The following ASH1L variants were observed in gnomAD, a reference collection of about 807,000 sequenced individuals.
ASH1L encodes the protein histone-lysine N-methyltransferase ASH1L.
A neutral mutation model predicts 269.0 loss-of-function variants in ASH1L; 23 were observed. The ratio of observed to expected loss-of-function variants is 0.09; its 90% confidence interval spans 0.06 to 0.12. The LOEUF (loss-of-function observed/expected upper bound fraction) is 0.12, where lower values mean the gene tolerates loss of function less well. Ranked by LOEUF, ASH1L falls within the 10% of genes least tolerant of loss-of-function variation. The pLI is 1.00. For missense variants in ASH1L, 2,912 were observed against 3,567.8 expected (o/e 0.82, Z 4.68); for synonymous variants, 1,187 against 1,253.5 (o/e 0.95, Z 1.12).
At position 155,490,215 on chromosome 1, in the gene ASH1L, C is replaced by T. The variant is rs542745348; in HGVS notation, c.421-7766G>A. ...TCCTGACCTTGTGATCTGCCCACCTCGGCCTCCCAAAGTGCTGGGATTACA... is the reference window on the plus strand; with the variant it reads ...TCCTGACCTTGTGATCTGCCCACCTTGGCCTCCCAAAGTGCTGGGATTACA... On this transcript the variant is annotated intron_variant, in intron 2 of 27. Transcript: ENST00000392403. 1.7e-3 allele frequency among the ~76,000 whole-genome samples: 253 copies of T among 151,928 alleles called. 2 individuals carry two copies. Among genetic ancestry groups the T allele is most frequent in the African/African-American group, 3.3e-3 (138 of 41,502 alleles).
rs11442413 is a variant in ASH1L at position 155,421,317 on chromosome 1, G to GTTT, written c.5829-5397_5829-5395dup. Among the ~76,000 whole-genome samples, 589 of 85,728 alleles carry GTTT rather than the reference G, an allele frequency of 6.9e-3. 7 individuals carry two copies. The highest frequency in any genetic ancestry group is 0.013 in the African/African-American group (311 of 23,498). 56.2% of individuals were successfully genotyped at this position (85,728 alleles called of 152,430 possible). On this transcript the variant is annotated intron_variant, in intron 5 of 27. Coordinates refer to ENST00000392403, the MANE Select transcript of ASH1L (RefSeq NM_018489.3). ...TCTAACACAATCTCAAGTACCAACAGTTTTTTTTTTTTTTTTTTTTTTTGA... is the reference window on the plus strand; with the variant it reads ...TCTAACACAATCTCAAGTACCAACAGTTTTTTTTTTTTTTTTTTTTTTTTTTGA...
chr1:155,538,097 T>C (rs1670178261), intron 1 of ASH1L, among the ~76,000 whole-genome samples: 1 of 151,922 alleles, frequency 6.6e-6, no homozygotes, highest in Non-Finnish European at 1.5e-5. Flanking sequence ...CCATCTTGGC[T>C]CACTGCAACC....
chr1:155,550,738 T>C (rs1270208930), intron 1 of ASH1L, among the ~76,000 whole-genome samples: 3 of 152,218 alleles, frequency 2.0e-5, no homozygotes, highest in Non-Finnish European at 4.4e-5. Context: ...TTATTTAATA[T>C]TGTCTATCTT....
chr1:155,487,956 C>T (rs545567676), intron 2 of ASH1L, among the ~76,000 whole-genome samples: 23 of 150,886 alleles, frequency 1.5e-4, no homozygotes, highest in Admixed American at 5.3e-4. Context: ...GGCGCCATCT[C>T]GGCTCACTGC....
At chr1:155,365,829 C>T (rs1655370330) in intron 12 of ASH1L, among the ~76,000 whole-genome samples, 1 of 152,198 alleles carries the variant, frequency 6.6e-6, no homozygotes, top group Non-Finnish European at 1.5e-5. Context: ...CATACTGACA[C>T]TTTCTGACTG....
At chr1:155,431,100 A>G (rs1015385564) in intron 5 of ASH1L, among the ~76,000 whole-genome samples, 10 of 151,724 alleles carry the variant, frequency 6.6e-5, no homozygotes, top group Non-Finnish European at 1.2e-4. Flanking sequence ...AATCCCAGCT[A>G]CTCCAGAGGC....
At chr1:155,455,570 C>T (rs1663812592) in intron 4 of ASH1L, among the ~76,000 whole-genome samples, 1 of 152,154 alleles carries the variant, frequency 6.6e-6, no homozygotes, top group Non-Finnish European at 1.5e-5. Context: ...AAGGTTAGGA[C>T]ATGATTCTGG....
intron 1 of ASH1L, among the ~76,000 whole-genome samples, chr1:155,543,744 CA>C (rs887295147): frequency 1.3e-5 from 2 of 151,618 alleles, no homozygotes; most frequent in African/African-American, 4.8e-5. Flanking sequence ...CAAGCCTGGG[CA>C]ACATAGTGAG....
At chr1:155,463,948 C>T (rs7529556) in intron 3 of ASH1L, among the ~76,000 whole-genome samples, 1 of 152,138 alleles carries the variant, frequency 6.6e-6, no homozygotes, top group African/African-American at 2.4e-5. Context: ...CTGGTAGGTA[C>T]TTGCAGGGTA....
chr1:155,536,706 C>T (rs1318943917), intron 1 of ASH1L, among the ~76,000 whole-genome samples: 1 of 152,010 alleles, frequency 6.6e-6, no homozygotes, highest in Non-Finnish European at 1.5e-5. Flanking sequence ...GCACTCCAGC[C>T]TGGGTGACAG....
chr1:155,354,320 G>A (rs1014075189), intron 16 of ASH1L, among the ~76,000 whole-genome samples, 153 bp downstream of exon 16: 1 of 152,170 alleles, frequency 6.6e-6, no homozygotes, highest in African/African-American at 2.4e-5. Context: ...GCGGGCGCCT[G>A]TAATCCCAGC....
intron 2 of ASH1L, among the ~76,000 whole-genome samples, chr1:155,500,933 A>G (rs1170492317): frequency 6.6e-6 from 1 of 152,104 alleles, no homozygotes; most frequent in Admixed American, 6.6e-5. Flanking sequence ...GCACCACTGC[A>G]CTCCAGCCTG....
intron 17 of ASH1L, among the ~76,000 whole-genome samples, chr1:155,350,032 G>A (rs1164122817): frequency 2.6e-5 from 4 of 152,004 alleles, no homozygotes; most frequent in Non-Finnish European, 5.9e-5. Flanking sequence ...TGGGACTACA[G>A]GTACCCGCCA....
chr1:155,370,752 A>G lies in ASH1L; in HGVS notation c.6539+25T>C, dbSNP rs544086618. 5 of 1,613,766 alleles carry G rather than the reference A, an allele frequency of 3.1e-6. No homozygotes were observed. The Admixed American group carries it at 8.3e-5, about 27-fold the overall frequency. Reference sequence around the variant, plus strand: ...TAATCTTATACCTTGGCATTTTATTAGAGTATCATCATTTACCACCGTACC... The same window carrying G: ...TAATCTTATACCTTGGCATTTTATTGGAGTATCATCATTTACCACCGTACC... On this transcript the variant is annotated intron_variant, in intron 11 of 27. Coordinates refer to ENST00000392403, the MANE Select transcript of ASH1L (RefSeq NM_018489.3).
intron 2 of ASH1L, among the ~76,000 whole-genome samples, chr1:155,488,668 CAAAAAAAAA>C (rs371829476): frequency 4.9e-3 from 142 of 29,188 alleles, no homozygotes; most frequent in South Asian, 0.02. Context: ...GACTCTGTCA[CAAAAAAAAA>C]AAAAAAAAAA....
rs751948465 is a variant in ASH1L at position 155,481,313 on chromosome 1, A to G, written c.1557T>C (p.His519=). 3 of 1,614,090 alleles carry G rather than the reference A, an allele frequency of 1.9e-6. No individual in the cohort carries two copies. The highest frequency in any genetic ancestry group is 2.5e-6 in the Non-Finnish European group (3 of 1,179,970). The part of the protein sequence containing the change: ...SEKGSYETSK[H]EKQPPVYCTS... ...TGCAATATACAGGAGGCTGCTTTTC[A>G]TGCTTTGAGGTTTCATAAGATCCCT... The change falls in exon 3 of 28, where the codon CAT becomes CAC. Residue 519 remains histidine, a synonymous_variant. Transcript: ENST00000392403.
intron 3 of ASH1L, among the ~76,000 whole-genome samples, chr1:155,475,919 C>A (rs1665501850): frequency 6.6e-6 from 1 of 152,166 alleles, no homozygotes; most frequent in South Asian, 2.1e-4. Context: ...TTATTATCTA[C>A]CTCCTCTACT....
intron 3 of ASH1L, among the ~76,000 whole-genome samples, chr1:155,461,094 C>T (rs1664266425): frequency 6.6e-6 from 1 of 152,030 alleles, no homozygotes; most frequent in African/African-American, 2.4e-5. Flanking sequence ...TAACTGGAGC[C>T]GCAAAAGGTA....
chr1:155,480,011 C>T lies in ASH1L; in HGVS notation c.2859G>A (p.Arg953=), dbSNP rs763045546. The change falls in exon 3 of 28, where the codon AGG becomes AGA. Residue 953 remains arginine, a synonymous_variant. Coordinates refer to ENST00000392403, the MANE Select transcript of ASH1L (RefSeq NM_018489.3). ...QDPDDLDDSH[R]PSVCSMSDLE... ...GGTCACTCATACTACAGACACTTGG[C>T]CTATGACTGTCATCTAGGTCATCTG... 1.2e-5 allele frequency: 19 copies of T among 1,613,890 alleles called. No individual in the cohort carries two copies. The highest frequency in any genetic ancestry group is 3.3e-4 in the Middle Eastern group (2 of 6,084).
Sources: gnomAD v4.1 joint callset for allele counts (sites outside exome capture counted in the v4.1 genomes callset) on GRCh38, gnomAD v4.1.1 for gene constraint, MANE v1.5 for transcripts, NCBI Gene and HGNC (gene_info 2026-07-23, HGNC 2026-07-21) for gene names.